The following MAP4K5 variants were observed in gnomAD, a reference collection of about 807,000 sequenced individuals.
The protein encoded by MAP4K5 is mitogen-activated protein kinase kinase kinase kinase 5.
MAP4K5 carries 82 observed loss-of-function variants against 135.6 expected under a neutral mutation model. The observed-to-expected ratio is 0.60, with a 90% CI of 0.51 to 0.73. The LOEUF is 0.73. MAP4K5 is among the 30% of genes least tolerant of loss of function. The pLI, the probability that MAP4K5 is intolerant of heterozygous loss-of-function variation, is 0.00. For missense variants in MAP4K5, 907 were observed against 1,010.9 expected (o/e 0.90, Z 1.39); for synonymous variants, 347 against 335.0 (o/e 1.04, Z -0.39).
chr14:50,549,342 C>A (rs1187267927), intron 1 of MAP4K5, among the ~76,000 whole-genome samples: 2 of 152,332 alleles, frequency 1.3e-5, no homozygotes, highest in African/African-American at 4.8e-5. Flanking sequence ...CATCTCCATC[C>A]TCTATGCAGA....
chr14:50,464,936 T>C (rs1461982496), intron 11 of MAP4K5, among the ~76,000 whole-genome samples: 1 of 152,160 alleles, frequency 6.6e-6, no homozygotes, highest in Non-Finnish European at 1.5e-5. Flanking sequence ...GAATTTAGCA[T>C]TTATAGCTAA....
chr14:50,442,643 A>T, intron 21 of MAP4K5, 89 bp downstream of exon 21: 1 of 940,252 alleles, frequency 1.1e-6, no homozygotes, highest in Non-Finnish European at 1.6e-6. Context: ...TCGTATTTTT[A>T]AAATAAACAA....
intron 1 of MAP4K5, among the ~76,000 whole-genome samples, chr14:50,545,640 A>C (rs1324615382): frequency 6.6e-6 from 1 of 152,248 alleles, no homozygotes; most frequent in African/African-American, 2.4e-5. Context: ...TTGTTAAAGC[A>C]GGAAAAATAG....
chr14:50,475,029 C>T, intron 9 of MAP4K5, 48 bp downstream of exon 9: 1 of 1,485,994 alleles, frequency 6.7e-7, no homozygotes, highest in Non-Finnish European at 9.4e-7. Flanking sequence ...GATCACAAAA[C>T]CATGAAGAAA....
chr14:50,560,210 G>A (rs952176978), intron 1 of MAP4K5: 2 of 1,607,278 alleles, frequency 1.2e-6, no homozygotes, highest in East Asian at 2.2e-5. Context: ...CTGCGGCCCC[G>A]GAGAAGGCAG....
chr14:50,446,831 T>TTATAACAAC (rs1566646608), intron 16 of MAP4K5, among the ~76,000 whole-genome samples: 2 of 152,226 alleles, frequency 1.3e-5, no homozygotes, highest in African/African-American at 4.8e-5. Flanking sequence ...TAAGCATAGT[T>TTATAACAAC]ATATTCTAAC....
chr14:50,525,679 A>G (rs2038249220), intron 2 of MAP4K5, among the ~76,000 whole-genome samples: 1 of 152,112 alleles, frequency 6.6e-6, no homozygotes, highest in Admixed American at 6.5e-5. Flanking sequence ...TTACAAAAAA[A>G]TAAAATAAAA....
At chr14:50,437,009 G>C (rs979741646) in intron 26 of MAP4K5, among the ~76,000 whole-genome samples, 4 of 152,034 alleles carry the variant, frequency 2.6e-5, no homozygotes, top group African/African-American at 9.7e-5. Context: ...ACTGCTTCCA[G>C]TTCCGTGATA....
intron 2 of MAP4K5, among the ~76,000 whole-genome samples, chr14:50,512,215 T>A (rs542446006): frequency 1.1e-4 from 17 of 152,250 alleles, no homozygotes; most frequent in African/African-American, 4.1e-4. Flanking sequence ...CACTAAAAAA[T>A]TGTCTATTAA....
At chr14:50,542,060 T>G in intron 2 of MAP4K5, among the ~76,000 whole-genome samples, 1 of 144,298 alleles carries the variant, frequency 6.9e-6, no homozygotes, top group Admixed American at 6.9e-5. Context: ...AATATGCTGT[T>G]ATCTGCTGAC....
chr14:50,469,795 T>C (rs569068482), intron 9 of MAP4K5, among the ~76,000 whole-genome samples: 1 of 152,318 alleles, frequency 6.6e-6, no homozygotes, highest in East Asian at 1.9e-4. Flanking sequence ...GTATAGATGA[T>C]ACTGTTCAGG....
At chr14:50,445,253 A>C in intron 17 of MAP4K5, 59 bp from the exon 18 acceptor site, 1 of 1,508,936 alleles carries the variant, frequency 6.6e-7, no homozygotes, top group Non-Finnish European at 9.0e-7. Context: ...CAGAGTCTTT[A>C]GGGAAAGGGA....
chr14:50,522,904 T>A (rs1174438521), intron 2 of MAP4K5, among the ~76,000 whole-genome samples: 8 of 152,218 alleles, frequency 5.3e-5, no homozygotes, highest in African/African-American at 1.9e-4. Context: ...AAGATCAAAG[T>A]ATACTGGTGG....
At chr14:50,525,352 C>A (rs977859143) in intron 2 of MAP4K5, among the ~76,000 whole-genome samples, 1 of 152,204 alleles carries the variant, frequency 6.6e-6, no homozygotes. Flanking sequence ...TGCCCCTCAC[C>A]GATTACCAGG....
At chr14:50,487,480 G>C (rs2037390382) in intron 3 of MAP4K5, among the ~76,000 whole-genome samples, 1 of 152,142 alleles carries the variant, frequency 6.6e-6, no homozygotes. Flanking sequence ...AGCCAAATGA[G>C]GGTACAATCT....
At chr14:50,531,546 T>A (rs890540729) in intron 2 of MAP4K5, among the ~76,000 whole-genome samples, 3 of 152,184 alleles carry the variant, frequency 2.0e-5, no homozygotes, top group African/African-American at 7.2e-5. Context: ...CAAATTTTTT[T>A]AAAAAAATGC....
rs1595524684 is a variant in MAP4K5, at chr14:50,506,039, A to G, written c.109-1182T>C. ...CGTGGTACATCATATGTGGAAATGG[A>G]ATTTACTAATTTATGACCTTTTTCA... On this transcript the variant is annotated intron_variant, in intron 2 of 32. Coordinates refer to ENST00000682126, the MANE Select transcript of MAP4K5 (RefSeq NM_006575.6). Among the ~76,000 whole-genome samples the G allele has an allele frequency of 2.0e-5, 3 of 152,310 alleles. No individual in the cohort carries two copies. In the East Asian group the frequency reaches 5.8e-4, roughly 29 times the overall value.
intron 27 of MAP4K5, 28 bp downstream of exon 27, chr14:50,434,934 A>G (rs1053053890): frequency 6.8e-6 from 10 of 1,460,286 alleles, no homozygotes; most frequent in Non-Finnish European, 7.6e-6. Flanking sequence ...TTTCTAAAGG[A>G]AAAAAATGTG....
At chr14:50,545,703 T>C (rs1427290429) in intron 1 of MAP4K5, among the ~76,000 whole-genome samples, 1 of 152,204 alleles carries the variant, frequency 6.6e-6, no homozygotes, top group Non-Finnish European at 1.5e-5. Flanking sequence ...CGAGTATCCA[T>C]GTCGGCCCTG....
Sources: gnomAD v4.1 joint callset for allele counts (sites outside exome capture counted in the v4.1 genomes callset) on GRCh38, gnomAD v4.1.1 for gene constraint, MANE v1.5 for transcripts, NCBI Gene and HGNC (gene_info 2026-07-23, HGNC 2026-07-21) for gene names.